The following CDK7 variants were observed in gnomAD, a reference collection of about 807,000 sequenced individuals.
CDK7 encodes cyclin dependent kinase 7.
A neutral mutation model predicts 49.1 loss-of-function variants in CDK7; 25 were observed. The observed-to-expected ratio is 0.51, with a 90% confidence interval of 0.37 to 0.71. CDK7 has a LOEUF of 0.71. Among genes scored for constraint, CDK7 ranks in the 30% least tolerant of loss-of-function variants. CDK7 has a pLI of 0.00. For synonymous variants in CDK7, 107 were observed against 140.0 expected (o/e 0.76, Z 1.67); for missense variants, 316 against 411.7 (o/e 0.77, Z 2.01).
intron 2 of CDK7, among the ~76,000 whole-genome samples, chr5:69,246,892 G>A (rs921549273): frequency 2.0e-5 from 3 of 151,984 alleles, no homozygotes; most frequent in African/African-American, 4.8e-5. Context: ...TAATTTTCGT[G>A]TATTACATAG....
At chr5:69,272,219 T>A (rs1447498410) in intron 9 of CDK7, among the ~76,000 whole-genome samples, 1 of 152,174 alleles carries the variant, frequency 6.6e-6, no homozygotes, top group Non-Finnish European at 1.5e-5. Flanking sequence ...GATTTCTAAG[T>A]CCTTTATTGA....
chr5:69,252,364 C>T, intron 2 of CDK7, 54 bp from the exon 3 acceptor site: 2 of 1,082,146 alleles, frequency 1.8e-6, no homozygotes, highest in Non-Finnish European at 2.8e-6. Flanking sequence ...TTCATTGATT[C>T]TAAATAATTT....
intron 2 of CDK7, among the ~76,000 whole-genome samples, chr5:69,240,737 C>G (rs1749312174): frequency 6.6e-6 from 1 of 152,184 alleles, no homozygotes; most frequent in South Asian, 2.1e-4. Flanking sequence ...AAGCAGTTCT[C>G]CTGCCTCAGC....
At chr5:69,251,892 A>G (rs766958211) in intron 2 of CDK7, among the ~76,000 whole-genome samples, 3 of 152,320 alleles carry the variant, frequency 2.0e-5, no homozygotes, top group Non-Finnish European at 4.4e-5. Context: ...TTCTTTACCC[A>G]GGTAATTTAT....
At chr5:69,252,296 T>C (rs1750193597) in intron 2 of CDK7, 122 bp from the exon 3 acceptor site, 6 of 685,848 alleles carry the variant, frequency 8.7e-6, no homozygotes, top group Non-Finnish European at 1.3e-5. Flanking sequence ...AGTAGGTACA[T>C]ATTGGTTGCT....
intron 3 of CDK7, among the ~76,000 whole-genome samples, chr5:69,252,836 G>A (rs544171174): frequency 3.3e-5 from 5 of 152,184 alleles, no homozygotes; most frequent in South Asian, 4.1e-4. Flanking sequence ...CTGAAGAAAC[G>A]AGCAAAGTAT....
chr5:69,258,732 G>C (rs1426600279), intron 6 of CDK7, among the ~76,000 whole-genome samples: 6 of 151,980 alleles, frequency 3.9e-5, no homozygotes, highest in Non-Finnish European at 1.5e-5. Flanking sequence ...ACCTGACCAT[G>C]GTTATATTTT....
At chr5:69,239,794 A>C (rs901988466) in intron 2 of CDK7, among the ~76,000 whole-genome samples, 3 of 151,738 alleles carry the variant, frequency 2.0e-5, no homozygotes, top group Non-Finnish European at 4.4e-5. Flanking sequence ...TACTTGTAAA[A>C]TTTTTAAAAT....
At chr5:69,253,552 G>A (rs545928414) in intron 3 of CDK7, among the ~76,000 whole-genome samples, 33 of 152,108 alleles carry the variant, frequency 2.2e-4, no homozygotes, top group African/African-American at 3.9e-4. Context: ...GAGCCACCGC[G>A]CCCGGCCTGT....
Position 69,269,204 on chromosome 5 carries a change from C to G in CDK7, c.628-3C>G. ...GAAAAGTCTCCCTCTTACTTTCTTTCAGGTTCCTTTTTTGCCAGGAGATTC... is the reference window on the plus strand; with the variant it reads ...GAAAAGTCTCCCTCTTACTTTCTTTGAGGTTCCTTTTTTGCCAGGAGATTC... On this transcript the variant is annotated splice_polypyrimidine_tract_variant and splice_region_variant and intron_variant, in intron 8 of 11. Coordinates refer to ENST00000256443, the MANE Select transcript of CDK7 (RefSeq NM_001799.4). 6.3e-7 allele frequency: 1 copy of G among 1,588,388 alleles called. No individual in the cohort carries two copies. Among genetic ancestry groups the G allele is most frequent in the Non-Finnish European group, 8.6e-7 (1 of 1,168,570 alleles).
At chr5:69,258,244 A>C in intron 6 of CDK7, 91 bp downstream of exon 6, 1 of 601,508 alleles carries the variant, frequency 1.7e-6, no homozygotes, top group Non-Finnish European at 2.9e-6. Flanking sequence ...TTGTTTAACA[A>C]TGAATTTATA....
chr5:69,259,785 CTTAT>C, intron 6 of CDK7, 29 bp from the exon 7 acceptor site: 3 of 1,408,064 alleles, frequency 2.1e-6, no homozygotes, highest in Non-Finnish European at 3.0e-6. Context: ...CCCTACCCTG[CTTAT>C]TTGTTTGTTT....
chr5:69,241,307 G>GTT (rs1749355577), intron 2 of CDK7, among the ~76,000 whole-genome samples: 24 of 112,922 alleles, frequency 2.1e-4, no homozygotes, highest in African/African-American at 3.6e-4. Context: ...CTCATTGTAG[G>GTT]TTTTTTCTTT....
chr5:69,267,747 G>A (rs1432339010), intron 8 of CDK7, among the ~76,000 whole-genome samples: 1 of 152,064 alleles, frequency 6.6e-6, no homozygotes, highest in East Asian at 1.9e-4. Flanking sequence ...ATTGGAGTGT[G>A]AAATCCATAC....
intron 10 of CDK7, among the ~76,000 whole-genome samples, chr5:69,275,179 G>A (rs992234957): frequency 2.0e-5 from 3 of 151,908 alleles, no homozygotes; most frequent in Non-Finnish European, 2.9e-5. Context: ...CAGCACTATA[G>A]TAGGGGGAAA....
intron 2 of CDK7, 21 bp downstream of exon 2, chr5:69,235,474 GTTT>G (rs748730860): frequency 2.0e-6 from 3 of 1,511,048 alleles, no homozygotes; most frequent in Non-Finnish European, 2.8e-6. Flanking sequence ...TTTTTATGTT[GTTT>G]TTAAGTCTCC....
chr5:69,264,228 T>A (rs1471733773), intron 8 of CDK7, among the ~76,000 whole-genome samples: 1 of 152,086 alleles, frequency 6.6e-6, no homozygotes, highest in Non-Finnish European at 1.5e-5. Flanking sequence ...GAGATTATAG[T>A]GCATCTATAG....
At chr5:69,244,666 C>A (rs1253732228) in intron 2 of CDK7, among the ~76,000 whole-genome samples, 1 of 149,234 alleles carries the variant, frequency 6.7e-6, no homozygotes, top group Non-Finnish European at 1.5e-5. Context: ...AAGATCATAT[C>A]GTCTACAAAC....
chr5:69,265,736 C>G (rs1343130063), intron 8 of CDK7, among the ~76,000 whole-genome samples: 1 of 151,958 alleles, frequency 6.6e-6, no homozygotes, highest in Non-Finnish European at 1.5e-5. Flanking sequence ...GTGGTGAAAC[C>G]CTGTCTCTAC....
Sources: allele counts gnomAD v4.1 joint callset (sites outside exome capture counted in the v4.1 genomes callset), GRCh38; gene constraint gnomAD v4.1.1; transcripts MANE v1.5; gene names NCBI Gene and HGNC (gene_info 2026-07-23, HGNC 2026-07-21).